The following SLIT3 variants were observed in gnomAD, a reference collection of about 807,000 sequenced individuals.
The protein encoded by SLIT3 is slit guidance ligand 3.
SLIT3 carries 68 observed loss-of-function variants against 184.0 expected under a neutral mutation model. The observed-to-expected ratio is 0.37, with a 90% CI of 0.30 to 0.45. SLIT3 has a LOEUF of 0.45. Ranked by LOEUF, SLIT3 falls within the 20% of genes least tolerant of loss-of-function variation. The pLI is 1.00. For missense variants in SLIT3, 1,707 were observed against 2,026.0 expected (o/e 0.84, Z 3.02); for synonymous variants, 831 against 828.6 (o/e 1.00, Z -0.05).
At chr5:169,161,648 A>C (rs1227578375) in intron 4 of SLIT3, among the ~76,000 whole-genome samples, 2 of 140,308 alleles carry the variant, frequency 1.4e-5, no homozygotes, top group Non-Finnish European at 3.0e-5. Flanking sequence ...GTCATAAAAC[A>C]GTCTTTTTTT....
intron 4 of SLIT3, among the ~76,000 whole-genome samples, chr5:169,127,821 A>G (rs1456029097): frequency 6.6e-6 from 1 of 152,210 alleles, no homozygotes; most frequent in Non-Finnish European, 1.5e-5. Context: ...ATTTAGCATC[A>G]TTACTTGGCT....
chr5:168,844,712 C>A (rs879145297), intron 5 of SLIT3, 57 bp from the exon 6 acceptor site: 2 of 1,540,970 alleles, frequency 1.3e-6, no homozygotes, highest in East Asian at 2.3e-5. Flanking sequence ...GAGGGGCCGG[C>A]GGCCCAGGCC....
intron 4 of SLIT3, chr5:169,023,664 T>G (rs1460355314): frequency 6.6e-6 from 1 of 152,126 alleles, no homozygotes; most frequent in Non-Finnish European, 1.5e-5. Flanking sequence ...CAACCCATCT[T>G]CTTTGCCCTA....
intron 4 of SLIT3, among the ~76,000 whole-genome samples, chr5:168,952,482 T>G (rs1307898313): frequency 1.7e-5 from 2 of 117,514 alleles, no homozygotes; most frequent in Non-Finnish European, 3.3e-5. Flanking sequence ...CCCTCAGAAG[T>G]CCCCTCCAAC....
At chr5:168,792,885 C>A (rs1351190378) in intron 10 of SLIT3, among the ~76,000 whole-genome samples, 2 of 152,182 alleles carry the variant, frequency 1.3e-5, no homozygotes, top group Non-Finnish European at 2.9e-5. Flanking sequence ...AAATTCCACA[C>A]CTGACCTCAT....
intron 4 of SLIT3, among the ~76,000 whole-genome samples, chr5:169,126,254 G>A (rs1195205085): frequency 4.6e-5 from 7 of 152,086 alleles, no homozygotes; most frequent in Non-Finnish European, 1.0e-4. Flanking sequence ...GAAGTGACAA[G>A]TGCTCTGGAA....
intron 4 of SLIT3, among the ~76,000 whole-genome samples, chr5:168,884,319 C>A (rs1760086169): frequency 6.6e-6 from 1 of 150,956 alleles, no homozygotes; most frequent in Admixed American, 6.6e-5. Flanking sequence ...GCTGCAGAAG[C>A]CTCTCTGAGG....
At chr5:168,880,796 C>T (rs1032063906) in intron 5 of SLIT3, among the ~76,000 whole-genome samples, 2 of 152,210 alleles carry the variant, frequency 1.3e-5, no homozygotes, top group African/African-American at 4.8e-5. Context: ...TGCTTCTAAC[C>T]GCTAGGCTAC....
chr5:168,740,644 C>CA (rs1561903634), intron 20 of SLIT3, among the ~76,000 whole-genome samples: 2 of 152,140 alleles, frequency 1.3e-5, no homozygotes, highest in Admixed American at 1.3e-4. Context: ...TGCTTACCCC[C>CA]AACCCTCCAC....
chr5:169,090,113 G>A (rs750964843), intron 4 of SLIT3, among the ~76,000 whole-genome samples: 1 of 152,144 alleles, frequency 6.6e-6, no homozygotes, highest in Admixed American at 6.5e-5. Context: ...CCACCTGTAC[G>A]CTAGAGGGAT....
At chr5:168,859,880 C>T (rs1759039317) in intron 5 of SLIT3, among the ~76,000 whole-genome samples, 1 of 152,102 alleles carries the variant, frequency 6.6e-6, no homozygotes, top group African/African-American at 2.4e-5. Flanking sequence ...AGTTATCTTC[C>T]TTGGACTAAT....
intron 4 of SLIT3, among the ~76,000 whole-genome samples, chr5:169,091,128 T>C (rs923729114): frequency 2.0e-5 from 3 of 152,206 alleles, no homozygotes; most frequent in African/African-American, 7.2e-5. Flanking sequence ...GACAAATAAA[T>C]ATTAACTTGA....
rs552488897 is a variant in SLIT3 at position 169,255,472 on chromosome 5, TA to T, written c.198-4014del. Among the ~76,000 whole-genome samples, 5 of 152,068 alleles carry T rather than the reference TA, an allele frequency of 3.3e-5. 1 individual carries two copies. The highest frequency in any genetic ancestry group is 3.2e-3 in the Middle Eastern group (1 of 316). On this transcript the variant is annotated intron_variant, in intron 1 of 35. Transcript: ENST00000519560. ...GTTTTTAATAAAAAAGTTTAAAAAGTAAAAAAAGTTTATAAAATAAGCATAC... is the reference window on the plus strand; with the variant it reads ...GTTTTTAATAAAAAAGTTTAAAAAGTAAAAAAGTTTATAAAATAAGCATAC...
intron 4 of SLIT3, among the ~76,000 whole-genome samples, chr5:169,178,599 CTTATT>C (rs1763055131): frequency 6.6e-6 from 1 of 152,114 alleles, no homozygotes; most frequent in Non-Finnish European, 1.5e-5. Context: ...ACACACGATT[CTTATT>C]TTCTTTCTTT....
At chr5:168,806,293 G>A (rs997248698) in intron 9 of SLIT3, among the ~76,000 whole-genome samples, 153 bp downstream of exon 9, 2 of 152,200 alleles carry the variant, frequency 1.3e-5, no homozygotes, top group African/African-American at 4.8e-5. Context: ...TCATAGCTGG[G>A]AAAGTGTGGA....
intron 4 of SLIT3, among the ~76,000 whole-genome samples, chr5:169,072,503 G>C (rs550111310): frequency 1.3e-5 from 2 of 152,226 alleles, no homozygotes; most frequent in Non-Finnish European, 2.9e-5. Context: ...GGGACTGTGA[G>C]GAAGGGTTAG....
At chr5:169,240,122 A>T (rs1221579228) in intron 3 of SLIT3, among the ~76,000 whole-genome samples, 1 of 152,046 alleles carries the variant, frequency 6.6e-6, no homozygotes, top group Non-Finnish European at 1.5e-5. Flanking sequence ...CTGACAGAGA[A>T]CATGCTCCAT....
At position 168,841,132 on chromosome 5, in the gene SLIT3, C is replaced by T. The variant is rs1055187219; in HGVS notation, c.557+3452G>A. On this transcript the variant is annotated intron_variant, in intron 6 of 35. Transcript: ENST00000519560. Reference sequence around the variant, plus strand: ...AGCCCACAGCCGCCATGCTTCAGGGCAGCCAAACACCATGGCAGCCTTGGC... The same window carrying T: ...AGCCCACAGCCGCCATGCTTCAGGGTAGCCAAACACCATGGCAGCCTTGGC... 5.3e-5 allele frequency among the ~76,000 whole-genome samples: 8 copies of T among 152,374 alleles called. No homozygotes were observed. The East Asian group carries it at 1.2e-3, about 22-fold the overall frequency.
chr5:168,907,729 C>T (rs2113061096), intron 4 of SLIT3, among the ~76,000 whole-genome samples: 1 of 151,944 alleles, frequency 6.6e-6, no homozygotes, highest in South Asian at 2.1e-4. Context: ...AAAATAACCA[C>T]TGTAAATATT....
Sources: allele counts gnomAD v4.1 joint callset (sites outside exome capture counted in the v4.1 genomes callset), GRCh38; gene constraint gnomAD v4.1.1; transcripts MANE v1.5; gene names NCBI Gene and HGNC (gene_info 2026-07-23, HGNC 2026-07-21).